FRMD4A: variants seen among roughly 807,000 people sequenced by gnomAD.
The protein encoded by FRMD4A is FERM domain containing 4A, also known as FERM domain-containing protein 4A.
In FRMD4A, 29 loss-of-function variants were observed where a neutral mutation model predicts 129.1. The ratio of observed to expected loss-of-function variants is 0.22; its 90% CI spans 0.17 to 0.31. The LOEUF (loss-of-function observed/expected upper bound fraction) is 0.31. Among genes scored for constraint, FRMD4A ranks in the 10% least tolerant of loss-of-function variants. The probability of loss-of-function intolerance (pLI) is 1.00; values close to 1 mark genes in which losing one functional copy is unlikely to be tolerated. For synonymous variants in FRMD4A, 634 were observed against 571.6 expected (o/e 1.11, Z -1.56); for missense variants, 1,272 against 1,375.8 (o/e 0.92, Z 1.19).
chr10:13,803,545 C>T (rs538458297), intron 4 of FRMD4A, among the ~76,000 whole-genome samples: 4 of 152,066 alleles, frequency 2.6e-5, no homozygotes, highest in Admixed American at 2.6e-4. Flanking sequence ...GCTGTGATGC[C>T]CAGGTTGGCC....
chr10:13,918,944 A>G (rs538158182), intron 2 of FRMD4A, among the ~76,000 whole-genome samples: 2 of 152,000 alleles, frequency 1.3e-5, no homozygotes, highest in African/African-American at 4.8e-5. Flanking sequence ...TGCCCAAATG[A>G]TTCTATCTGA....
At chr10:13,808,085 C>T (rs2093386510) in intron 4 of FRMD4A, among the ~76,000 whole-genome samples, 1 of 152,200 alleles carries the variant, frequency 6.6e-6, no homozygotes. Context: ...AGGTGTGAGC[C>T]ACCATGCTCA....
At chr10:14,171,537 G>A (rs1841476370) in intron 2 of FRMD4A, among the ~76,000 whole-genome samples, 1 of 152,160 alleles carries the variant, frequency 6.6e-6, no homozygotes, top group Non-Finnish European at 1.5e-5. Context: ...ATGTTCAGGT[G>A]CCCTCTCTGC....
chr10:13,754,598 G>GTGTC (rs774787465), intron 8 of FRMD4A, among the ~76,000 whole-genome samples: 39 of 128,080 alleles, frequency 3.0e-4, no homozygotes, highest in Non-Finnish European at 4.7e-4. Flanking sequence ...GTGTGTGTGT[G>GTGTC]TGTAAAACAG....
intron 2 of FRMD4A, among the ~76,000 whole-genome samples, chr10:13,965,506 AC>A (rs1346606226): frequency 6.6e-6 from 1 of 152,158 alleles, no homozygotes; most frequent in African/African-American, 2.4e-5. Context: ...TTACAAAAGC[AC>A]CATATAATGT....
At chr10:13,728,573 C>CTTTTTTTTTTGTTTTTTTTTTTT (rs2090080415) in intron 12 of FRMD4A, among the ~76,000 whole-genome samples, 1 of 78,372 alleles carries the variant, frequency 1.3e-5, no homozygotes. Context: ...GATTACCATT[C>CTTTTTTTTTTGTTTTTTTTTTTT]TTTTTTTTTT....
chr10:13,875,407 C>G (rs936676351), intron 2 of FRMD4A, among the ~76,000 whole-genome samples: 1 of 152,096 alleles, frequency 6.6e-6, no homozygotes, highest in African/African-American at 2.4e-5. Flanking sequence ...CATGTATTTC[C>G]CCCCAGTGAT....
intron 2 of FRMD4A, among the ~76,000 whole-genome samples, chr10:14,169,751 C>T (rs1841378857): frequency 6.6e-6 from 1 of 152,134 alleles, no homozygotes; most frequent in African/African-American, 2.4e-5. Flanking sequence ...TAATCTAAAC[C>T]TGTCATTCTT....
Position 13,956,330 on chromosome 10 carries a change from T to G in FRMD4A, c.46-97418A>C, listed in dbSNP as rs371383710. On this transcript the variant is annotated intron_variant, in intron 2 of 24. Transcript: ENST00000357447. ...ACCACACCCGGCTAATTTTGTACTT[T>G]TAGTAGAGATGGGGTTTCGCCATGT... is the stretch of plus-strand genomic sequence containing the variant. Among the ~76,000 whole-genome samples, 6 of 152,258 alleles carry G rather than the reference T, an allele frequency of 3.9e-5. No individual in the cohort carries two copies. In the South Asian group the frequency reaches 6.2e-4, roughly 16 times the overall value.
intron 2 of FRMD4A, among the ~76,000 whole-genome samples, chr10:14,261,420 A>G (rs964410060): frequency 5.9e-5 from 9 of 152,168 alleles, no homozygotes; most frequent in Non-Finnish European, 1.3e-4. Context: ...CTACTTGGGT[A>G]TTCAGTTTTC....
intron 23 of FRMD4A, 75 bp downstream of exon 23, chr10:13,654,335 ATATCCT>A (rs1564517722): frequency 6.4e-6 from 6 of 932,978 alleles, no homozygotes; most frequent in Non-Finnish European, 9.0e-6. Context: ...ATTTACTGAC[ATATCCT>A]TATGTCACCA....
At chr10:13,974,592 T>C (rs1458499880) in intron 2 of FRMD4A, among the ~76,000 whole-genome samples, 1 of 152,126 alleles carries the variant, frequency 6.6e-6, no homozygotes, top group African/African-American at 2.4e-5. Context: ...AATGATGCAA[T>C]CTCAGCTCGC....
chr10:14,128,004 CTTT>C (rs1838990633), intron 2 of FRMD4A, among the ~76,000 whole-genome samples: 2 of 93,528 alleles, frequency 2.1e-5, no homozygotes, highest in Non-Finnish European at 2.0e-5. Context: ...CTCTCTCTTT[CTTT>C]CTTTCTTCCT....
intron 2 of FRMD4A, among the ~76,000 whole-genome samples, chr10:14,009,972 G>T (rs1392823995): frequency 6.6e-6 from 1 of 152,224 alleles, no homozygotes; most frequent in Admixed American, 6.5e-5. Flanking sequence ...GATACCCGAT[G>T]ATTGAGCCAA....
intron 12 of FRMD4A, among the ~76,000 whole-genome samples, chr10:13,709,125 G>T (rs577884131): frequency 1.3e-5 from 2 of 152,162 alleles, no homozygotes; most frequent in Non-Finnish European, 2.9e-5. Context: ...ACCACACCTG[G>T]ATAATTTTTG....
At position 13,937,615 on chromosome 10, in the gene FRMD4A, G is replaced by A. The variant is rs138937692; in HGVS notation, c.46-78703C>T. ...GCAGCAGTGATGTTCATTATCCTTC[G>A]TGAGTAAGCCCTGAGGCTCTTTGGG... On this transcript the variant is annotated intron_variant, in intron 2 of 24. Transcript: ENST00000357447. Among the ~76,000 whole-genome samples, 726 of 152,142 alleles carry A rather than the reference G, an allele frequency of 4.8e-3. 18 individuals are homozygous for A. The highest frequency in any genetic ancestry group is 0.041 in the Admixed American group (628 of 15,286).
chr10:14,241,793 G>A (rs1844058612), intron 2 of FRMD4A, among the ~76,000 whole-genome samples: 1 of 150,518 alleles, frequency 6.6e-6, no homozygotes, highest in Admixed American at 6.7e-5. Flanking sequence ...CAGAACAGAA[G>A]GGCTGTCTAG....
chr10:14,327,065 G>T, intron 2 of FRMD4A: 1 of 397,986 alleles, frequency 2.5e-6, no homozygotes, highest in Non-Finnish European at 4.4e-6. Flanking sequence ...GATGGTCCAG[G>T]CATGCTTACC....
chr10:14,104,504 G>C lies in FRMD4A; in HGVS notation c.45+225554C>G, dbSNP rs140161752. ...TCCAGATGCTCTACTCCCCAGAAAG[G>C]GAAGGTGAGGCCACACAGAGCCTAT... is the stretch of plus-strand genomic sequence containing the variant. On this transcript the variant is annotated intron_variant, in intron 2 of 24. Coordinates refer to ENST00000357447, the MANE Select transcript of FRMD4A (RefSeq NM_018027.5). 1.3e-4 allele frequency among the ~76,000 whole-genome samples: 20 copies of C among 152,340 alleles called. No individual in the cohort carries two copies. In the East Asian group the frequency reaches 3.9e-3, roughly 29 times the overall value.
Sources: gnomAD v4.1 joint callset for allele counts (sites outside exome capture counted in the v4.1 genomes callset) on GRCh38, gnomAD v4.1.1 for gene constraint, MANE v1.5 for transcripts, NCBI Gene and HGNC (gene_info 2026-07-23, HGNC 2026-07-21) for gene names.